TBC1D1: variants seen among roughly 807,000 people sequenced by gnomAD.
The protein encoded by TBC1D1 is TBC1 domain family member 1, also known as TBC1 (tre-2/USP6, BUB2, cdc16) domain family, member 1.
TBC1D1 carries 89 observed loss-of-function variants against 125.6 expected under a neutral mutation model. The observed-to-expected ratio is 0.71, with a 90% CI of 0.60 to 0.85. The LOEUF (loss-of-function observed/expected upper bound fraction) is 0.85, where lower values mean the gene tolerates loss of function less well. Ranked by LOEUF, TBC1D1 falls within the 40% of genes least tolerant of loss-of-function variation. The pLI is 0.00. For missense variants in TBC1D1, 1,377 were observed against 1,469.2 expected (o/e 0.94, Z 1.03); for synonymous variants, 565 against 564.1 (o/e 1.00, Z -0.02).
At chr4:38,015,839 G>A (rs1324570698) in intron 3 of TBC1D1, among the ~76,000 whole-genome samples, 1 of 152,192 alleles carries the variant, frequency 6.6e-6, no homozygotes, top group African/African-American at 2.4e-5. Context: ...CAGTGTGGAT[G>A]TGTGCAGGTT....
At chr4:37,982,292 T>C (rs1175987560) in intron 2 of TBC1D1, among the ~76,000 whole-genome samples, 1 of 152,252 alleles carries the variant, frequency 6.6e-6, no homozygotes, top group Non-Finnish European at 1.5e-5. Flanking sequence ...CTTGTGTTGC[T>C]TGAAGTCAGT....
In TBC1D1 at chr4:37,995,939, A is replaced by G; in HGVS notation, c.418-18570A>G. On this transcript the variant is annotated intron_variant, in intron 2 of 19. Coordinates refer to ENST00000261439, the MANE Select transcript of TBC1D1 (RefSeq NM_015173.4). The surrounding 1 kb of genome is among the most constrained non-coding windows in gnomAD (Gnocchi z 4.3). ...CCTTCTCATTCCCAGGGAGAAATCC[A>G]CACTCAAGGACTTCTTTCTTCTCTT... is the stretch of plus-strand genomic sequence containing the variant. 1.7e-6 allele frequency: 1 copy of G among 575,822 alleles called. No homozygotes were observed. The highest frequency in any genetic ancestry group is 1.4e-5 in the South Asian group (1 of 72,720). 35.7% of individuals were successfully genotyped at this position (575,822 alleles called of 1,614,324 possible).
In TBC1D1 at chr4:38,133,066, C is replaced by T. The variant is rs1372188033; in HGVS notation, c.3133-18C>T. 2 of 1,601,092 alleles carry T rather than the reference C, an allele frequency of 1.2e-6. No homozygotes were observed. The highest frequency in any genetic ancestry group is 1.7e-6 in the Non-Finnish European group (2 of 1,174,520). ...TTTTCTCAGTTTTAGTACGTGATGA[C>T]TTTTCTTTCTATAACAGGTATTTGA... On this transcript the variant is annotated intron_variant, in intron 18 of 19. Coordinates refer to ENST00000261439, the MANE Select transcript of TBC1D1 (RefSeq NM_015173.4).
intron 2 of TBC1D1, among the ~76,000 whole-genome samples, chr4:37,987,389 C>T (rs975657430): frequency 1.3e-5 from 2 of 151,670 alleles, no homozygotes; most frequent in Non-Finnish European, 2.9e-5. Context: ...ACTTGTTTGG[C>T]TCTAAATTCA....
intron 11 of TBC1D1, chr4:38,053,135 A>G: frequency 6.5e-7 from 1 of 1,530,638 alleles, no homozygotes; most frequent in South Asian, 1.3e-5. Flanking sequence ...CTGCGGAAAA[A>G]ACTTCATTCT....
At chr4:38,136,353 G>T (rs143539334) in intron 19 of TBC1D1, among the ~76,000 whole-genome samples, 1 of 152,238 alleles carries the variant, frequency 6.6e-6, no homozygotes, top group Non-Finnish European at 1.5e-5. Flanking sequence ...TCCATGGCTC[G>T]TAGTGAACAG....
rs1363159785 is a variant in TBC1D1 at position 37,909,661 on chromosome 4, A to G, written c.417+7149A>G. On this transcript the variant is annotated intron_variant, in intron 2 of 19. Coordinates refer to ENST00000261439, the MANE Select transcript of TBC1D1 (RefSeq NM_015173.4). ...TATTCTCACCTCTTCCCCCTTCTAC[A>G]TTTGGTCATAATTTCTAAACTTCAA... Among the ~76,000 whole-genome samples the G allele has an allele frequency of 2.0e-5, 3 of 152,124 alleles. No homozygotes were observed. In the East Asian group the frequency reaches 5.8e-4, roughly 29 times the overall value.
At chr4:37,951,990 T>C (rs1281431069) in intron 2 of TBC1D1, 4 of 717,502 alleles carry the variant, frequency 5.6e-6, no homozygotes, top group Non-Finnish European at 2.6e-6. Flanking sequence ...TGTATAAGCC[T>C]TTCCCTGTAT....
At chr4:38,057,404 T>C (rs6531605) in intron 12 of TBC1D1, among the ~76,000 whole-genome samples, 86,966 of 152,104 alleles carry the variant, frequency 0.57, 25,945 homozygotes, top group African/African-American at 0.75. Flanking sequence ...GGTTCATCTT[T>C]GTCACCCATC....
chr4:38,035,493 G>C, intron 7 of TBC1D1, 95 bp from the exon 8 acceptor site: 9 of 916,292 alleles, frequency 9.8e-6, no homozygotes, highest in Non-Finnish European at 1.5e-5. Flanking sequence ...AAAAGCACTA[G>C]TTTAGTGGAT....
chr4:37,911,208 G>T (rs964592281), intron 2 of TBC1D1, among the ~76,000 whole-genome samples: 1 of 143,154 alleles, frequency 7.0e-6, no homozygotes, highest in Non-Finnish European at 1.5e-5. Flanking sequence ...TTCCATAAAG[G>T]TCACTTAAGT....
chr4:38,096,194 CCTT>C (rs1392046205), intron 14 of TBC1D1, 104 bp downstream of exon 16: 2 of 894,100 alleles, frequency 2.2e-6, no homozygotes, highest in Non-Finnish European at 3.5e-6. Flanking sequence ...TGGCCATCTC[CCTT>C]CTTTTCATCA....
At chr4:38,109,281 C>A (rs567880251) in intron 15 of TBC1D1, among the ~76,000 whole-genome samples, 3 of 152,218 alleles carry the variant, frequency 2.0e-5, no homozygotes, top group Admixed American at 1.3e-4. Context: ...GAAGAGTGAG[C>A]CATTGTCTCT....
chr4:38,083,934 C>CTTTTTTTTT (rs61161366), intron 12 of TBC1D1, among the ~76,000 whole-genome samples: 1 of 133,322 alleles, frequency 7.5e-6, no homozygotes, highest in Non-Finnish European at 1.6e-5. Flanking sequence ...TGAATGTTGT[C>CTTTTTTTTT]TTTTTTTTTT....
rs574076496 is a variant in TBC1D1 at position 37,932,096 on chromosome 4, G to A, written c.417+29584G>A. On this transcript the variant is annotated intron_variant, in intron 2 of 19. Transcript: ENST00000261439. ...TAGCAGCTAAAGATGGAATTAGTGGGCTTTTGCCAGAATAAACAGTCTGAA... is the reference window on the plus strand; with the variant it reads ...TAGCAGCTAAAGATGGAATTAGTGGACTTTTGCCAGAATAAACAGTCTGAA... 5.3e-4 allele frequency among the ~76,000 whole-genome samples: 80 copies of A among 152,238 alleles called. 1 individual carries two copies. Among genetic ancestry groups the A allele is most frequent in the Middle Eastern group, 6.8e-3 (2 of 294 alleles).
At chr4:38,054,430 G>T in intron 12 of TBC1D1, 92 bp downstream of exon 14, 1 of 1,525,234 alleles carries the variant, frequency 6.6e-7, no homozygotes, top group South Asian at 1.2e-5. Flanking sequence ...GCAGAGCGCC[G>T]TCCTCTTCAG....
At chr4:38,132,887 T>C (rs1047439431) in intron 18 of TBC1D1, 197 bp from the exon 21 acceptor site, 4 of 386,308 alleles carry the variant, frequency 1.0e-5, no homozygotes, top group Non-Finnish European at 1.9e-5. Context: ...AGATGTTTCT[T>C]ATATCCTTTT....
chr4:38,007,023 G>C (rs915340091), intron 2 of TBC1D1: 2 of 403,716 alleles, frequency 5.0e-6, no homozygotes, highest in African/African-American at 4.3e-5. Context: ...CATAGACTTG[G>C]AATCAGTCGG....
At chr4:38,047,111 A>G (rs904629666) in intron 10 of TBC1D1, among the ~76,000 whole-genome samples, 16 of 152,248 alleles carry the variant, frequency 1.1e-4, no homozygotes, top group Admixed American at 3.3e-4. Context: ...CATACAATAC[A>G]TACTGATATT....
Sources: gnomAD v4.1 joint callset for allele counts (sites outside exome capture counted in the v4.1 genomes callset) on GRCh38, gnomAD v4.1.1 for gene constraint, Gnocchi (gnomAD v3.1) non-coding constraint, MANE v1.5 for transcripts, NCBI Gene and HGNC (gene_info 2026-07-23, HGNC 2026-07-21) for gene names.